MARVELD3: variants seen among roughly 807,000 people sequenced by gnomAD.
MARVELD3 encodes MARVEL domain containing 3, also known as MARVEL domain-containing protein 3.
Under a neutral mutation model 33.5 loss-of-function variants are expected in MARVELD3, and 28 were observed. That is an observed-to-expected ratio of 0.84 (90% CI 0.62 to 1.15). The LOEUF (loss-of-function observed/expected upper bound fraction) is 1.15. MARVELD3 is among the 50% of genes most tolerant of loss of function. The pLI, the probability that MARVELD3 is intolerant of heterozygous loss-of-function variation, is 0.00. For synonymous variants in MARVELD3, 241 were observed against 230.4 expected, an observed-to-expected ratio of 1.05 and a Z score of -0.42; for missense variants, 582 against 547.6, an observed-to-expected ratio of 1.06 and a Z score of -0.63.
In MARVELD3 at chr16:71,626,677, G is replaced by A. The variant is rs1391435188; in HGVS notation, c.448G>A (p.Gly150Arg). 11 of 1,509,034 alleles carry A rather than the reference G, an allele frequency of 7.3e-6. No homozygotes were observed. The Admixed American group carries it at 1.9e-4, about 26-fold the overall frequency. 93.5% of individuals were successfully genotyped at this position (1,509,034 alleles called of 1,614,324 possible). ...GCAGCCGCAGAGGAAGGGAGACCCC[G>A]GGCGCCGCAGACCCGAAAGGTGAGA... ...PPQPQRKGDP[G>R]RRRPESEPPS... is the part of the protein sequence containing the mutation. Residue 150 changes from glycine to arginine, a missense_variant, in exon 1 of 3, where the codon GGG becomes AGG. Transcript: ENST00000268485. The surrounding 1 kb of genome is among the most constrained non-coding windows in gnomAD (Gnocchi z 5.3).
chr16:71,626,451 C>A lies in MARVELD3; in HGVS notation c.222C>A (p.Asp74Glu). ...ERDGNRDRNR[D>E]RERERERERD... ...ACGGGAACCGCGACCGGAACCGGGA[C>A]CGGGAGAGGGAGAGAGAGAGGGAAA... Residue 74 changes from aspartate (D) to glutamate (E), a missense_variant, in exon 1 of 3, where the codon GAC (aspartate) becomes GAA (glutamate). Coordinates refer to ENST00000268485, the MANE Select transcript of MARVELD3 (RefSeq NM_052858.6). The surrounding 1 kb of genome is among the most constrained non-coding windows in gnomAD (Gnocchi z 5.3). 2.6e-6 allele frequency: 4 copies of A among 1,549,088 alleles called. No individual in the cohort carries two copies. In the East Asian group the frequency reaches 9.8e-5, roughly 38 times the overall value.
chr16:71,634,063 G>T, intron 2 of MARVELD3, 130 bp from the exon 3 acceptor site: 1 of 1,429,150 alleles, frequency 7.0e-7, no homozygotes, highest in Non-Finnish European at 9.3e-7. Flanking sequence ...GCGCTGCTTT[G>T]GCCTCGGGTC....
downstream of MARVELD3, chr16:71,640,571 C>G (rs1369560644): frequency 6.2e-7 from 1 of 1,614,200 alleles, no homozygotes; most frequent in East Asian, 2.2e-5. Flanking sequence ...ACCAGCAGTA[C>G]ACGATCCTCC....
At chr16:71,630,485 G>T (rs909289655) in intron 2 of MARVELD3, among the ~76,000 whole-genome samples, 1 of 151,630 alleles carries the variant, frequency 6.6e-6, no homozygotes, top group South Asian at 2.1e-4. Context: ...ATTAGCCGGG[G>T]TGGTGGCTCA....
chr16:71,626,240 C>G lies in MARVELD3; in HGVS notation c.11C>G (p.Pro4Arg). The change falls in exon 1 of 3, where the codon CCG becomes CGG. Residue 4 changes from proline (P) to arginine (R), a missense_variant. Physicochemically the swap from Pro to Arg is moderately radical, Grantham distance 103. Coordinates refer to ENST00000268485, the MANE Select transcript of MARVELD3 (RefSeq NM_052858.6). This position sits in a 1 kb window ranked among gnomAD's most constrained non-coding sequence, Gnocchi z 5.3. Reference sequence around the variant, plus strand: ...ACACGGAACCCGGCCATGGAAGATCCGTCGGGGGCTCGCGAGCCCCGGGCC... The same window carrying G: ...ACACGGAACCCGGCCATGGAAGATCGGTCGGGGGCTCGCGAGCCCCGGGCC... MED[P>R]SGAREPRARP... 6 of 1,494,890 alleles carry G rather than the reference C, an allele frequency of 4.0e-6. No individual in the cohort carries two copies. Among genetic ancestry groups the G allele is most frequent in the Non-Finnish European group, 5.3e-6 (6 of 1,124,894 alleles). The allele number at this position is 1,494,890 out of a possible 1,614,324, so 92.6% of individuals were successfully genotyped here.
chr16:71,639,688 C>T (rs76912947), downstream of MARVELD3, among the ~76,000 whole-genome samples: 2 of 151,762 alleles, frequency 1.3e-5, no homozygotes, highest in African/African-American at 4.8e-5. Context: ...CTCAAGTGAT[C>T]TGCCCGCCTC....
chr16:71,634,556 C>T lies in MARVELD3; in HGVS notation c.959C>T (p.Ala320Val). ...DMLIAGGYIPALYFYFHYLSA... is the reference protein window; with the variant it reads ...DMLIAGGYIPVLYFYFHYLSA... ...CTCATCGCGGGGGGGTACATCCCGG[C>T]CTTGTACTTCTACTTCCACTACCTC... The change falls in exon 3 of 3, where the codon GCC (alanine) becomes GTC (valine). Residue 320 changes from alanine to valine, a missense_variant. Physicochemically the swap from Ala to Val is moderately conservative, Grantham distance 64. Coordinates refer to ENST00000268485, the MANE Select transcript of MARVELD3 (RefSeq NM_052858.6). 1 of 1,614,170 alleles carries T rather than the reference C, an allele frequency of 6.2e-7. No individual in the cohort carries two copies. Among genetic ancestry groups the T allele is most frequent in the Non-Finnish European group, 8.5e-7 (1 of 1,180,040 alleles).
In MARVELD3 at chr16:71,634,660, A is replaced by G. The variant is rs200570004; in HGVS notation, c.1063A>G (p.Ser355Gly). The G allele has an allele frequency of 6.2e-6, 10 of 1,614,206 alleles. No homozygotes were observed. The East Asian group carries it at 2.0e-4, about 32-fold the overall frequency. Residue 355 changes from serine (S) to glycine (G), a missense_variant, in exon 3 of 3, where the codon AGT becomes GGT. By Grantham distance (56) the Ser-to-Gly change is moderately conservative. Coordinates refer to ENST00000268485, the MANE Select transcript of MARVELD3 (RefSeq NM_052858.6). Reference sequence around the variant, plus strand: ...CAAAGGCTACAGCGGTTTCGGCTGCAGTTTCCACGGAGCAGATATAGGAGC... The same window carrying G: ...CAAAGGCTACAGCGGTTTCGGCTGCGGTTTCCACGGAGCAGATATAGGAGC... Reference protein sequence around the residue: ...QSKGYSGFGCSFHGADIGAGI... With the variant: ...QSKGYSGFGCGFHGADIGAGI...
Position 71,626,764 on chromosome 16 carries a change from C to A in MARVELD3, c.467+68C>A. The A allele has an allele frequency of 7.9e-7, 1 of 1,268,202 alleles. No individual in the cohort carries two copies. Among genetic ancestry groups the A allele is most frequent in the Non-Finnish European group, 1.0e-6 (1 of 975,704 alleles). 78.6% of individuals were successfully genotyped at this position (1,268,202 alleles called of 1,614,324 possible). On this transcript the variant is annotated intron_variant, in intron 1 of 2. Transcript: ENST00000268485. The surrounding 1 kb of genome is among the most constrained non-coding windows in gnomAD (Gnocchi z 5.3). ...CTGTGGCCCAGGCCGGCCCGCGAGG[C>A]CCTGGCGTCCCCGGGTTCTCGTCCT...
At chr16:71,640,248 C>T (rs2044607205), downstream of MARVELD3, 3 of 923,592 alleles carry the variant, frequency 3.2e-6, no homozygotes, top group Non-Finnish European at 4.8e-6. Context: ...GCCTGGATGA[C>T]AGAGTGACAC....
At position 71,635,760 on chromosome 16, in the gene MARVELD3, G is replaced by T; in HGVS notation, c.*957G>T. ...CCAGTCCTTCCACTTCCTTAATTCT[G>T]CAAATGGAGGGGGTGGGGACTCTTG... is the stretch of plus-strand genomic sequence containing the variant. On this transcript the variant is annotated 3_prime_UTR_variant, in exon 3 of 3. Transcript: ENST00000268485. 5.1e-6 allele frequency: 5 copies of T among 985,260 alleles called. No individual in the cohort carries two copies. The highest frequency in any genetic ancestry group is 4.8e-6 in the Non-Finnish European group (4 of 829,922). 61.0% of individuals were successfully genotyped at this position (985,260 alleles called of 1,614,324 possible). A position where few individuals can be genotyped will look rare whatever the true frequency, so the allele number is the denominator to read the frequency against.
chr16:71,632,735 CTGAGG>C (rs1350358315), intron 2 of MARVELD3, among the ~76,000 whole-genome samples: 1 of 151,830 alleles, frequency 6.6e-6, no homozygotes, highest in Non-Finnish European at 1.5e-5. Context: ...CCTCAGCCTC[CTGAGG>C]AGCTGAGATT....
At chr16:71,640,804 G>A (rs200552224), downstream of MARVELD3, 14 of 1,614,244 alleles carry the variant, frequency 8.7e-6, no homozygotes, top group Admixed American at 1.7e-5. Flanking sequence ...TGCAAAACAA[G>A]AGAGAGGCTC....
chr16:71,633,224 C>A (rs931093478), intron 2 of MARVELD3, among the ~76,000 whole-genome samples: 1 of 151,740 alleles, frequency 6.6e-6, no homozygotes, highest in African/African-American at 2.4e-5. Context: ...TAGCCAGGCC[C>A]AGGTTCATGC....
At chr16:71,639,710 G>A (rs978204238), downstream of MARVELD3, among the ~76,000 whole-genome samples, 1 of 151,990 alleles carries the variant, frequency 6.6e-6, no homozygotes, top group African/African-American at 2.4e-5. Flanking sequence ...GCCTCCCAAA[G>A]TGCTGAGATT....
At chr16:71,636,622 GCT>G (rs747638407), downstream of MARVELD3, among the ~76,000 whole-genome samples, 34 of 152,038 alleles carry the variant, frequency 2.2e-4, no homozygotes, top group Non-Finnish European at 4.3e-4. Flanking sequence ...ACAGGATCTG[GCT>G]CTGTCACCCA....
At chr16:71,641,950 C>A (rs914707762) in exon 3 of MARVELD3, 3 of 152,096 alleles carry the variant, frequency 2.0e-5, no homozygotes, top group African/African-American at 4.8e-5. Context: ...AAATAAAGTT[C>A]TTTTAGTAAT....
At chr16:71,640,562 C>A (rs1427106252), downstream of MARVELD3, 1 of 1,614,204 alleles carries the variant, frequency 6.2e-7, no homozygotes, top group Admixed American at 1.7e-5. Flanking sequence ...GGCAGCTGGA[C>A]CAGCAGTACA....
downstream of MARVELD3, chr16:71,640,489 G>T: frequency 6.2e-7 from 1 of 1,614,146 alleles, no homozygotes; most frequent in South Asian, 1.1e-5. Flanking sequence ...AGCTTTTCCA[G>T]CGGCGGTGGC....
Sources: gnomAD v4.1 joint callset for allele counts (sites outside exome capture counted in the v4.1 genomes callset) on GRCh38, gnomAD v4.1.1 for gene constraint, Gnocchi (gnomAD v3.1) non-coding constraint, MANE v1.5 for transcripts, NCBI Gene and HGNC (gene_info 2026-07-23, HGNC 2026-07-21) for gene names.